BRINP3: variants seen among roughly 807,000 people sequenced by gnomAD.
BRINP3 encodes the protein BMP/retinoic acid inducible neural specific 3.
In BRINP3, 19 loss-of-function variants were observed where a neutral mutation model predicts 71.0. The observed-to-expected ratio is 0.27, with a 90% CI of 0.19 to 0.39. The LOEUF (loss-of-function observed/expected upper bound fraction) is 0.39, where lower values mean the gene tolerates loss of function less well. BRINP3 is among the 10% of genes least tolerant of loss of function. BRINP3 has a pLI of 1.00. For synonymous variants in BRINP3, 380 were observed against 337.7 expected (o/e 1.13, Z -1.37); for missense variants, 959 against 940.8 (o/e 1.02, Z -0.25).
intron 2 of BRINP3, among the ~76,000 whole-genome samples, chr1:190,375,860 G>A (rs1196878138): frequency 6.6e-6 from 1 of 151,900 alleles, no homozygotes; most frequent in Non-Finnish European, 1.5e-5. Context: ...AAATATGTTA[G>A]TGATTTTGTT....
intron 2 of BRINP3, among the ~76,000 whole-genome samples, chr1:190,374,361 A>G (rs750079908): frequency 6.6e-6 from 1 of 152,142 alleles, no homozygotes; most frequent in Non-Finnish European, 1.5e-5. Context: ...GACATGGGCT[A>G]ATACTGGAAG....
chr1:190,165,043 C>T (rs1025481600), intron 6 of BRINP3, among the ~76,000 whole-genome samples: 11 of 151,548 alleles, frequency 7.3e-5, no homozygotes, highest in African/African-American at 2.7e-4. Flanking sequence ...ATTATGAAAG[C>T]ATAGCAACAG....
chr1:190,228,890 C>T (rs1657666101), intron 5 of BRINP3, among the ~76,000 whole-genome samples: 1 of 151,944 alleles, frequency 6.6e-6, no homozygotes, highest in Non-Finnish European at 1.5e-5. Context: ...CTTAACAAAG[C>T]TTAGTTTTGA....
chr1:190,281,341 A>C (rs940940208), intron 3 of BRINP3, among the ~76,000 whole-genome samples: 2 of 151,980 alleles, frequency 1.3e-5, no homozygotes, highest in African/African-American at 4.8e-5. Flanking sequence ...TTAGATTGTA[A>C]ATAGCTTTCA....
intron 3 of BRINP3, among the ~76,000 whole-genome samples, chr1:190,276,835 G>T (rs1253355005): frequency 6.7e-6 from 1 of 150,228 alleles, no homozygotes; most frequent in South Asian, 2.1e-4. Flanking sequence ...TTTAGCCATA[G>T]AGTAATCAAA....
At chr1:190,362,516 C>T (rs1443128141) in intron 2 of BRINP3, among the ~76,000 whole-genome samples, 1 of 152,158 alleles carries the variant, frequency 6.6e-6, no homozygotes, top group African/African-American at 2.4e-5. Context: ...CAAACCCAAA[C>T]TGGCTGATAT....
At chr1:190,333,845 C>G (rs1179913374) in intron 2 of BRINP3, among the ~76,000 whole-genome samples, 1 of 151,870 alleles carries the variant, frequency 6.6e-6, no homozygotes, top group East Asian at 1.9e-4. Flanking sequence ...TTAACTTTAA[C>G]TCATTGATCC....
chr1:190,455,172 T>C (rs12095425), intron 1 of BRINP3, among the ~76,000 whole-genome samples: 2,505 of 152,268 alleles, frequency 0.016, 67 homozygotes, highest in African/African-American at 0.053. Flanking sequence ...ACAGACTTTG[T>C]CATAACAATT....
chr1:190,184,323 A>G (rs1653309842), intron 6 of BRINP3, among the ~76,000 whole-genome samples: 1 of 152,164 alleles, frequency 6.6e-6, no homozygotes, highest in Non-Finnish European at 1.5e-5. Flanking sequence ...AGCCATCTGA[A>G]GATTTCTCAA....
chr1:190,402,540 C>A (rs1439155868), intron 2 of BRINP3, among the ~76,000 whole-genome samples: 2 of 152,020 alleles, frequency 1.3e-5, no homozygotes, highest in Admixed American at 6.6e-5. Context: ...TTAAAACCAC[C>A]GTGTCGATTC....
chr1:190,120,321 A>T (rs1653532621), intron 7 of BRINP3, among the ~76,000 whole-genome samples: 1 of 152,172 alleles, frequency 6.6e-6, no homozygotes, highest in Admixed American at 6.5e-5. Context: ...AATGGACTAG[A>T]AAATAATTTG....
At chr1:190,451,419 A>C (rs996006793) in intron 2 of BRINP3, among the ~76,000 whole-genome samples, 2 of 152,198 alleles carry the variant, frequency 1.3e-5, no homozygotes, top group Non-Finnish European at 2.9e-5. Flanking sequence ...ATATCCTGAC[A>C]GGCTTACAGC....
intron 6 of BRINP3, among the ~76,000 whole-genome samples, chr1:190,190,973 A>ATT (rs1319624473): frequency 1.3e-5 from 2 of 152,132 alleles, no homozygotes; most frequent in African/African-American, 4.8e-5. Context: ...AGGCATTATG[A>ATT]ACTAGTGATC....
chr1:190,199,247 T>A (rs1654773282), intron 6 of BRINP3, among the ~76,000 whole-genome samples: 1 of 152,096 alleles, frequency 6.6e-6, no homozygotes, highest in Non-Finnish European at 1.5e-5. Flanking sequence ...GAGCTAAAAT[T>A]TAAGATAAGA....
At chr1:190,248,938 T>C (rs1163906543) in intron 4 of BRINP3, among the ~76,000 whole-genome samples, 1 of 152,016 alleles carries the variant, frequency 6.6e-6, no homozygotes, top group African/African-American at 2.4e-5. Context: ...GAGACTATAG[T>C]TCTCAAATTT....
In BRINP3 at chr1:190,250,854, A is replaced by G. The variant is rs117589771; in HGVS notation, c.618+14011T>C. ...AAATTCACCAGATAACTTAGCCTGTATCTCAGGTTCAGTACATTTTCATAA... is the reference window on the plus strand; with the variant it reads ...AAATTCACCAGATAACTTAGCCTGTGTCTCAGGTTCAGTACATTTTCATAA... On this transcript the variant is annotated intron_variant, in intron 4 of 7. Transcript: ENST00000367462. Among the ~76,000 whole-genome samples, 81 of 152,072 alleles carry G rather than the reference A, an allele frequency of 5.3e-4. 1 individual carries two copies. The East Asian group carries it at 0.015, about 28-fold the overall frequency.
intron 6 of BRINP3, among the ~76,000 whole-genome samples, chr1:190,202,082 C>G (rs1655058138): frequency 6.6e-6 from 1 of 152,122 alleles, no homozygotes; most frequent in Non-Finnish European, 1.5e-5. Flanking sequence ...AGCAGATACT[C>G]AATGCCAGCC....
At chr1:190,388,106 A>G (rs1671029419) in intron 2 of BRINP3, among the ~76,000 whole-genome samples, 1 of 151,854 alleles carries the variant, frequency 6.6e-6, no homozygotes, top group Non-Finnish European at 1.5e-5. Flanking sequence ...GTGCGAGTAG[A>G]GGCTGAGTAA....
intron 2 of BRINP3, among the ~76,000 whole-genome samples, chr1:190,311,478 C>T (rs146512126): frequency 8.1e-4 from 122 of 151,212 alleles, no homozygotes; most frequent in African/African-American, 2.6e-3. Context: ...AAGAATTTGA[C>T]GTTAGTAGCC....
Sources: gnomAD v4.1 joint callset for allele counts (sites outside exome capture counted in the v4.1 genomes callset) on GRCh38, gnomAD v4.1.1 for gene constraint, MANE v1.5 for transcripts, NCBI Gene and HGNC (gene_info 2026-07-23, HGNC 2026-07-21) for gene names.